Variants in ARAP1 observed in about 807,000 individuals in gnomAD.
The protein encoded by ARAP1 is arf-GAP with Rho-GAP domain, ANK repeat and PH domain-containing protein 1.
A neutral mutation model predicts 172.2 loss-of-function variants in ARAP1; 76 were observed. The observed-to-expected ratio is 0.44, with a 90% CI of 0.37 to 0.53. The LOEUF (loss-of-function observed/expected upper bound fraction) is 0.53, where lower values mean the gene tolerates loss of function less well. Among genes scored for constraint, ARAP1 ranks in the 20% least tolerant of loss-of-function variants. The pLI, the probability that ARAP1 is intolerant of heterozygous loss-of-function variation, is 0.00. For missense variants in ARAP1, 1,686 were observed against 1,977.5 expected, an observed-to-expected ratio of 0.85 and a Z score of 2.80; for synonymous variants, 804 against 803.3, an observed-to-expected ratio of 1.00 and a Z score of -0.01.
intron 1 of ARAP1, among the ~76,000 whole-genome samples, chr11:72,746,237 A>T (rs1050403107): frequency 6.6e-6 from 1 of 151,722 alleles, no homozygotes; most frequent in African/African-American, 2.4e-5. Flanking sequence ...ATCTCTCCCC[A>T]CTGCCAAGAT....
chr11:72,728,349 G>A (rs1857760529), intron 2 of ARAP1, among the ~76,000 whole-genome samples: 1 of 152,196 alleles, frequency 6.6e-6, no homozygotes, highest in East Asian at 1.9e-4. Flanking sequence ...AGGAGGCCGA[G>A]GCGGGTGGAT....
In ARAP1 at chr11:72,685,463, G is replaced by A. The variant is rs1192015061; in HGVS notation, c.*201C>T. On this transcript the variant is annotated 3_prime_UTR_variant, in exon 35 of 35. Transcript: ENST00000393609. ...TGAACACCTGGACAGAGTTGGGAGA[G>A]GTTCCTGCCCAGGCTGACCCCTGCT... 1 of 673,754 alleles carries A rather than the reference G, an allele frequency of 1.5e-6. No homozygotes were observed. The highest frequency in any genetic ancestry group is 2.5e-6 in the Non-Finnish European group (1 of 396,310). 41.7% of individuals were successfully genotyped at this position (673,754 alleles called of 1,614,324 possible). A position where few individuals can be genotyped will look rare whatever the true frequency, so the allele number is the denominator to read the frequency against.
chr11:72,739,093 G>A (rs1445239216), intron 1 of ARAP1, among the ~76,000 whole-genome samples: 1 of 152,188 alleles, frequency 6.6e-6, no homozygotes, highest in Admixed American at 6.5e-5. Context: ...GTGCAGAAGT[G>A]GCCCCCACGC....
rs573997771 is a variant in ARAP1 at position 72,736,362 on chromosome 11, C to A, written c.-127-3765G>T. 2.6e-4 allele frequency among the ~76,000 whole-genome samples: 39 copies of A among 151,890 alleles called. No homozygotes were observed. In the East Asian group the frequency reaches 6.8e-3, roughly 26 times the overall value. ...GGCTCAAGTGATCCTCCCACCTCCC[C>A]CTCCCCAGTAGCGGGGACCACAGGA... On this transcript the variant is annotated intron_variant, in intron 1 of 34. Coordinates refer to ENST00000393609, the MANE Select transcript of ARAP1 (RefSeq NM_001040118.3).
At chr11:72,738,078 C>T (rs1311299350) in intron 1 of ARAP1, among the ~76,000 whole-genome samples, 1 of 152,164 alleles carries the variant, frequency 6.6e-6, no homozygotes, top group Non-Finnish European at 1.5e-5. Flanking sequence ...GTAAGGGAGG[C>T]TTCTAGAAGG....
chr11:72,692,882 T>G, intron 29 of ARAP1, 97 bp from the exon 30 acceptor site: 1 of 1,483,084 alleles, frequency 6.7e-7, no homozygotes, highest in South Asian at 1.1e-5. Context: ...GTGTATGGCA[T>G]GTATGTGCAG....
At chr11:72,730,945 A>G (rs1378856782) in intron 2 of ARAP1, among the ~76,000 whole-genome samples, 1 of 152,240 alleles carries the variant, frequency 6.6e-6, no homozygotes, top group East Asian at 1.9e-4. Flanking sequence ...ACATATTGAC[A>G]TGGGATGATC....
intron 1 of ARAP1, among the ~76,000 whole-genome samples, chr11:72,749,668 G>C (rs923450091): frequency 6.6e-6 from 1 of 152,064 alleles, no homozygotes; most frequent in African/African-American, 2.4e-5. Flanking sequence ...CAGATCACGA[G>C]GTCAGGAGAT....
At position 72,703,030 on chromosome 11, in the gene ARAP1, A is replaced by G; in HGVS notation, c.2042T>C (p.Leu681Pro). The stretch of plus-strand genomic sequence containing the variant: ...GTTGATCCCAGCCCCACAGCCCAGG[A>G]GCGCCTGGGTCTCAGCCAGGTCTGT... ...TTTDLAETQA[L>P]LGCGAGINCF... Residue 681 changes from leucine to proline, a missense_variant, in exon 15 of 35, where the codon CTC (leucine) becomes CCC (proline). Leu to Pro is a moderately conservative substitution (Grantham distance 98). Around this residue, in one of 5 missense-constraint regions of ARAP1, gnomAD observed 688 missense variants for 856.9 expected, o/e 0.80. Coordinates refer to ENST00000393609, the MANE Select transcript of ARAP1 (RefSeq NM_001040118.3). 1.3e-6 allele frequency: 2 copies of G among 1,596,870 alleles called. No individual in the cohort carries two copies. The highest frequency in any genetic ancestry group is 1.7e-6 in the Non-Finnish European group (2 of 1,172,970).
At chr11:72,705,078 C>T (rs1856692782) in intron 13 of ARAP1, 1 of 152,230 alleles carries the variant, frequency 6.6e-6, no homozygotes, top group African/African-American at 2.4e-5. Context: ...ACTTATGTGC[C>T]AAACACACCG....
intron 27 of ARAP1, 24 bp downstream of exon 27, chr11:72,694,956 C>T: frequency 6.2e-7 from 1 of 1,605,192 alleles, no homozygotes; most frequent in East Asian, 2.2e-5. Context: ...ATACCACACC[C>T]TGCACAAGCC....
At chr11:72,701,873 C>T in intron 15 of ARAP1, 90 bp from the exon 16 acceptor site, 3 of 1,511,234 alleles carry the variant, frequency 2.0e-6, no homozygotes, top group African/African-American at 2.8e-5. Context: ...CATTCAGGCT[C>T]ACTTTCGAAT....
chr11:72,695,409 G>A lies in ARAP1; in HGVS notation c.3554C>T (p.Ala1185Val), dbSNP rs765201531. 1.2e-6 allele frequency: 2 copies of A among 1,614,178 alleles called. No homozygotes were observed. The highest frequency in any genetic ancestry group is 1.7e-6 in the Non-Finnish European group (2 of 1,180,040). Residue 1185 changes from alanine to valine, a missense_variant, in exon 26 of 35, where the codon GCA (alanine) becomes GTA (valine). Around this residue, in one of 5 missense-constraint regions of ARAP1, gnomAD observed 379 missense variants for 500.1 expected, o/e 0.76. Transcript: ENST00000393609. The surrounding 1 kb of genome is among the most constrained non-coding windows in gnomAD (Gnocchi z 4.4). The part of the protein sequence containing the change: ...ICTVYLEEKK[A>V]ETEQHIKVPA... Reference sequence around the variant, plus strand: ...TACCTTGATATGCTGCTCAGTCTCTGCCTTCTTCTCTTCCAGATACACTGT... The same window carrying A: ...TACCTTGATATGCTGCTCAGTCTCTACCTTCTTCTCTTCCAGATACACTGT...
intron 1 of ARAP1, among the ~76,000 whole-genome samples, chr11:72,739,181 T>C (rs2365441): frequency 0.14 from 21,843 of 151,970 alleles, 2,060 homozygotes; most frequent in African/African-American, 0.26. Context: ...CTGACCGATC[T>C]CTGGGCCAAG....
At chr11:72,718,896 G>C (rs1315219459) in intron 3 of ARAP1, among the ~76,000 whole-genome samples, 1 of 152,192 alleles carries the variant, frequency 6.6e-6, no homozygotes, top group African/African-American at 2.4e-5. Context: ...GCACTCAGCA[G>C]GGACTTACAA....
At chr11:72,738,138 G>A (rs1443004156) in intron 1 of ARAP1, among the ~76,000 whole-genome samples, 1 of 152,178 alleles carries the variant, frequency 6.6e-6, no homozygotes, top group East Asian at 1.9e-4. Context: ...CCAGGTGGAG[G>A]CCATTCCAGG....
At position 72,712,452 on chromosome 11, in the gene ARAP1, A is replaced by C; in HGVS notation, c.864T>G (p.Tyr288Ter). ...QGDEEEDDHA[Y>*]EGVPNGGWHT... ...CGGACACTCACTTGGGGACGCCCTC[A>C]TAGGCGTGGTCATCCTCTTCCTCAT... Residue 288 changes from tyrosine to a stop codon, truncating the protein, a stop_gained, in exon 6 of 35, where the codon TAT (tyrosine) becomes TAG (stop). Coordinates refer to ENST00000393609, the MANE Select transcript of ARAP1 (RefSeq NM_001040118.3). LOFTEE classifies it high-confidence loss of function. 6.3e-7 allele frequency: 1 copy of C among 1,591,648 alleles called. No individual in the cohort carries two copies. Among genetic ancestry groups the C allele is most frequent in the Non-Finnish European group, 8.6e-7 (1 of 1,164,486 alleles).
At chr11:72,688,702 A>T in intron 30 of ARAP1, 165 bp from the exon 31 acceptor site, 1 of 601,086 alleles carries the variant, frequency 1.7e-6, no homozygotes. Flanking sequence ...CCTGTTCACA[A>T]TCTAGCCCAA....
In ARAP1 at chr11:72,699,132, A is replaced by C. The variant is rs1856352012; in HGVS notation, c.2439-25T>G. Reference sequence around the variant, plus strand: ...GCTGCAAATACACAGGCCAGGACTCAGGCCCACCTCATCCAGCACGGGCCC... The same window carrying C: ...GCTGCAAATACACAGGCCAGGACTCCGGCCCACCTCATCCAGCACGGGCCC... On this transcript the variant is annotated intron_variant, in intron 17 of 34. Transcript: ENST00000393609. This position sits in a 1 kb window ranked among gnomAD's most constrained non-coding sequence, Gnocchi z 4.2. The C allele has an allele frequency of 6.2e-7, 1 of 1,611,442 alleles. No individual in the cohort carries two copies. Among genetic ancestry groups the C allele is most frequent in the Non-Finnish European group, 8.5e-7 (1 of 1,178,086 alleles).
Sources: allele counts gnomAD v4.1 joint callset (sites outside exome capture counted in the v4.1 genomes callset), GRCh38; gene constraint gnomAD v4.1.1; regional missense constraint gnomAD v4.1.1; non-coding constraint Gnocchi (gnomAD v3.1); transcripts MANE v1.5; gene names NCBI Gene and HGNC (gene_info 2026-07-23, HGNC 2026-07-21).